ESPNL: variants seen among roughly 807,000 people sequenced by gnomAD.
The protein encoded by ESPNL is espin like.
ESPNL carries 49 observed loss-of-function variants against 46.8 expected under a neutral mutation model. The ratio of observed to expected loss-of-function variants is 1.05; its 90% confidence interval spans 0.83 to 1.33. The LOEUF is 1.33. Among genes scored for constraint, ESPNL ranks in the 40% most tolerant of loss-of-function variants. The pLI is 0.00. For missense variants in ESPNL, 1,540 were observed against 1,436.6 expected, an observed-to-expected ratio of 1.07 and a Z score of -1.16; for synonymous variants, 664 against 662.1, an observed-to-expected ratio of 1.00 and a Z score of -0.04.
At position 238,132,350 on chromosome 2, in the gene ESPNL, T is replaced by C. The variant is rs1278435993; in HGVS notation, c.*618T>C. ...CCCAGGGTGCTCCGGAGGCCCTGCT[T>C]CCTCAAAGGAGGCTCCCCATGGGGC... On this transcript the variant is annotated 3_prime_UTR_variant, in exon 9 of 9. Transcript: ENST00000343063. The C allele has an allele frequency of 6.6e-6, 1 of 152,564 alleles. No homozygotes were observed. Among genetic ancestry groups the C allele is most frequent in the Non-Finnish European group, 1.5e-5 (1 of 68,308 alleles). 9.5% of individuals were successfully genotyped at this position (152,564 alleles called of 1,614,324 possible).
intron 1 of ESPNL, among the ~76,000 whole-genome samples, chr2:238,101,112 T>G (rs2121405): frequency 0.79 from 119,574 of 152,076 alleles, 47,574 homozygotes; most frequent in African/African-American, 0.92. Context: ...GGACGGGAGT[T>G]AGGGCTGCTG....
At position 238,100,617 on chromosome 2, in the gene ESPNL, G is replaced by A; in HGVS notation, c.198G>A (p.Arg66=). 1 of 1,495,372 alleles carries A rather than the reference G, an allele frequency of 6.7e-7. No homozygotes were observed. The highest frequency in any genetic ancestry group is 8.9e-7 in the Non-Finnish European group (1 of 1,126,518). The allele number at this position is 1,495,372 out of a possible 1,614,324, so 92.6% of individuals were successfully genotyped here. A position where few individuals can be genotyped will look rare whatever the true frequency, so the allele number is the denominator to read the frequency against. Reference sequence around the variant, plus strand: ...GGGCCCAGCTGCCCGGCAACCAGCGGGCCCACAACGGGGCCACCCCAGCGC... The same window carrying A: ...GGGCCCAGCTGCCCGGCAACCAGCGAGCCCACAACGGGGCCACCCCAGCGC... ...VQRAQLPGNQ[R]AHNGATPAHD... The change falls in exon 1 of 9, where the codon CGG becomes CGA. Residue 66 remains arginine (R), a synonymous_variant. Coordinates refer to ENST00000343063, the MANE Select transcript of ESPNL (RefSeq NM_194312.4).
At chr2:238,115,821 C>T (rs1388598811) in intron 4 of ESPNL, among the ~76,000 whole-genome samples, 3 of 152,192 alleles carry the variant, frequency 2.0e-5, no homozygotes, top group East Asian at 1.9e-4. Context: ...TAGAGGCGCC[C>T]GCCACCACGC....
At chr2:238,128,044 G>C (rs1184194281) in intron 7 of ESPNL, among the ~76,000 whole-genome samples, 1 of 152,196 alleles carries the variant, frequency 6.6e-6, no homozygotes. Flanking sequence ...TGCCCGCTTG[G>C]AGTGCGGAGA....
chr2:238,118,616 AGGAGG>A (rs1691884855), intron 5 of ESPNL, among the ~76,000 whole-genome samples: 1 of 84,514 alleles, frequency 1.2e-5, no homozygotes, highest in Non-Finnish European at 2.5e-5. Context: ...GGGTGGATGG[AGGAGG>A]GTGGATGGAG....
rs146144182 is a variant in ESPNL at position 238,107,866 on chromosome 2, G to A, written c.748G>A (p.Gly250Ser). 66 of 1,611,292 alleles carry A rather than the reference G, an allele frequency of 4.1e-5. No homozygotes were observed. The highest frequency in any genetic ancestry group is 4.9e-5 in the Non-Finnish European group (58 of 1,179,272). Residue 250 changes from glycine (G) to serine (S), a missense_variant, in exon 4 of 9, where the codon GGC becomes AGC. Transcript: ENST00000343063. The stretch of plus-strand genomic sequence containing the variant: ...GGCCCTGCACTTTGCAGCCCGAGGC[G>A]GCCACACGCCCATTCTAGACCGACT... ...ATALHFAARG[G>S]HTPILDRLLL...
intron 6 of ESPNL, chr2:238,127,257 G>T: frequency 1.4e-6 from 1 of 694,568 alleles, no homozygotes; most frequent in Non-Finnish European, 1.8e-6. Context: ...CCTGAAGTGT[G>T]TGTTTTCATC....
intron 4 of ESPNL, among the ~76,000 whole-genome samples, chr2:238,109,015 C>T (rs1263507597): frequency 6.6e-6 from 1 of 152,224 alleles, no homozygotes; most frequent in Non-Finnish European, 1.5e-5. Context: ...ATCCCCCGTC[C>T]ACTCAGCTCT....
At position 238,114,213 on chromosome 2, in the gene ESPNL, G is replaced by A. The variant is rs1387477136; in HGVS notation, c.856-2690G>A. On this transcript the variant is annotated intron_variant, in intron 4 of 8. Coordinates refer to ENST00000343063, the MANE Select transcript of ESPNL (RefSeq NM_194312.4). This position sits in a 1 kb window ranked among gnomAD's most constrained non-coding sequence, Gnocchi z 5.0. Reference sequence around the variant, plus strand: ...AGCGGTGATGGGGTCCGTCACTCTGGGGGAGAGGTTCCCTTCCTCCTCCCC... The same window carrying A: ...AGCGGTGATGGGGTCCGTCACTCTGAGGGAGAGGTTCCCTTCCTCCTCCCC... Among the ~76,000 whole-genome samples, 1 of 152,058 alleles carries A rather than the reference G, an allele frequency of 6.6e-6. No individual in the cohort carries two copies. The highest frequency in any genetic ancestry group is 1.5e-5 in the Non-Finnish European group (1 of 68,012).
chr2:238,130,525 C>T lies in ESPNL; in HGVS notation c.1811C>T (p.Ser604Phe), dbSNP rs773117921. ...SHISRLVRSL[S>F]LLLKGVHGLV... ...ATCTCCCGCCTGGTACGCAGCCTGT[C>T]CCTGCTGCTGAAGGGCGTGCATGGG... Residue 604 changes from serine to phenylalanine, a missense_variant, in exon 9 of 9, where the codon TCC becomes TTC. Physicochemically the swap from Ser to Phe is radical, Grantham distance 155 (BLOSUM62 -2). Transcript: ENST00000343063. The T allele has an allele frequency of 6.3e-7, 1 of 1,595,750 alleles. No individual in the cohort carries two copies. The highest frequency in any genetic ancestry group is 8.5e-7 in the Non-Finnish European group (1 of 1,171,562).
At chr2:238,101,829 C>A in intron 1 of ESPNL, 112 bp from the exon 2 acceptor site, 1 of 725,978 alleles carries the variant, frequency 1.4e-6, no homozygotes. Flanking sequence ...GAGCTGGAAG[C>A]CCCTTCACTG....
At chr2:238,106,512 C>T (rs1219051421) in intron 3 of ESPNL, among the ~76,000 whole-genome samples, 2 of 152,228 alleles carry the variant, frequency 1.3e-5, no homozygotes, top group African/African-American at 4.8e-5. Context: ...CTCCCCACCC[C>T]GGGGCTGCCT....
Position 238,131,378 on chromosome 2 carries a change from C to T in ESPNL, c.2664C>T (p.His888=), listed in dbSNP as rs750835831. Residue 888 remains histidine, a synonymous_variant, in exon 9 of 9, where the codon CAC becomes CAT. Transcript: ENST00000343063. Reference sequence around the variant, plus strand: ...TGCTGTGCTTCGAGGTCTTCGAGCACCTGGGCACCCACGGCTGGGAGGCTG... The same window carrying T: ...TGCTGTGCTTCGAGGTCTTCGAGCATCTGGGCACCCACGGCTGGGAGGCTG... ...RHLLCFEVFE[H]LGTHGWEAVR... 3.6e-5 allele frequency: 58 copies of T among 1,604,550 alleles called. No homozygotes were observed. In the South Asian group the frequency reaches 6.2e-4, roughly 17 times the overall value.
intron 6 of ESPNL, 95 bp from the exon 7 acceptor site, chr2:238,127,527 A>G: frequency 1.4e-6 from 2 of 1,458,170 alleles, no homozygotes; most frequent in Non-Finnish European, 1.8e-6. Flanking sequence ...ATCGTTCAGG[A>G]GGTCAGCTCT....
chr2:238,109,928 G>A (rs997571860), intron 4 of ESPNL, among the ~76,000 whole-genome samples: 3 of 149,520 alleles, frequency 2.0e-5, no homozygotes, highest in Non-Finnish European at 4.4e-5. Context: ...ACACGTTACC[G>A]AGGGTCCCTT....
chr2:238,124,156 G>C (rs1294460826), intron 5 of ESPNL, among the ~76,000 whole-genome samples: 1 of 152,256 alleles, frequency 6.6e-6, no homozygotes, highest in Non-Finnish European at 1.5e-5. Flanking sequence ...CTGGGCCCAG[G>C]CCACATGTCC....
chr2:238,127,106 A>G (rs190647309), intron 6 of ESPNL, among the ~76,000 whole-genome samples: 1 of 125,238 alleles, frequency 8.0e-6, no homozygotes, highest in Non-Finnish European at 1.6e-5. Context: ...CTGTGTCTGT[A>G]TGTGATGTGA....
At chr2:238,119,023 GATGGAGGAGGGTGA>G (rs1691906490) in intron 5 of ESPNL, among the ~76,000 whole-genome samples, 1 of 148,450 alleles carries the variant, frequency 6.7e-6, no homozygotes, top group African/African-American at 2.5e-5. Context: ...GAGGAGGGTG[GATGGAGGAGGGTGA>G]ATGGAGGAGG....
At position 238,100,623 on chromosome 2, in the gene ESPNL, C is replaced by A; in HGVS notation, c.204C>A (p.His68Gln). 1 of 1,488,176 alleles carries A rather than the reference C, an allele frequency of 6.7e-7. No individual in the cohort carries two copies. The highest frequency in any genetic ancestry group is 2.1e-4 in the Middle Eastern group (1 of 4,816). The allele number at this position is 1,488,176 out of a possible 1,614,324, so 92.2% of individuals were successfully genotyped here. Residue 68 changes from histidine (H) to glutamine (Q), a missense_variant, in exon 1 of 9, where the codon CAC becomes CAA. By Grantham distance (24) the His-to-Gln change is conservative (BLOSUM62 0). Coordinates refer to ENST00000343063, the MANE Select transcript of ESPNL (RefSeq NM_194312.4). ...RAQLPGNQRA[H>Q]NGATPAHDAA... ...AGCTGCCCGGCAACCAGCGGGCCCACAACGGGGCCACCCCAGCGCATGACG... is the reference window on the plus strand; with the variant it reads ...AGCTGCCCGGCAACCAGCGGGCCCAAAACGGGGCCACCCCAGCGCATGACG...
Sources: allele counts gnomAD v4.1 joint callset (sites outside exome capture counted in the v4.1 genomes callset), GRCh38; gene constraint gnomAD v4.1.1; non-coding constraint Gnocchi (gnomAD v3.1); transcripts MANE v1.5; gene names NCBI Gene and HGNC (gene_info 2026-07-23, HGNC 2026-07-21).